DNAAF9: variants seen among roughly 807,000 people sequenced by gnomAD.
DNAAF9 encodes the protein dynein axonemal assembly factor 9, also known as shulin.
In DNAAF9, 90 loss-of-function variants were observed where a neutral mutation model predicts 167.0. The ratio of observed to expected loss-of-function variants is 0.54; its 90% CI spans 0.45 to 0.64. The LOEUF (loss-of-function observed/expected upper bound fraction) is 0.64, where lower values mean the gene tolerates loss of function less well. Among genes scored for constraint, DNAAF9 ranks in the 30% least tolerant of loss-of-function variants. The pLI, the probability that DNAAF9 is intolerant of heterozygous loss-of-function variation, is 0.00. For missense variants in DNAAF9, 1,315 were observed against 1,442.2 expected (o/e 0.91, Z 1.43); for synonymous variants, 491 against 508.8 (o/e 0.96, Z 0.47).
intron 1 of DNAAF9, among the ~76,000 whole-genome samples, chr20:3,387,812 TG>T (rs1016093256): frequency 7.3e-6 from 1 of 136,224 alleles, no homozygotes; most frequent in African/African-American, 2.8e-5. Context: ...GAGGCCAAGG[TG>T]GGGGATCTCT....
intron 30 of DNAAF9, among the ~76,000 whole-genome samples, chr20:3,265,249 G>T (rs370920234): frequency 2.7e-4 from 41 of 152,146 alleles, no homozygotes; most frequent in Non-Finnish European, 4.3e-4. Flanking sequence ...TTTGGTGGGG[G>T]AGGGTCCACG....
chr20:3,289,354 G>A (rs1254673656), intron 26 of DNAAF9, among the ~76,000 whole-genome samples: 1 of 152,182 alleles, frequency 6.6e-6, no homozygotes, highest in Non-Finnish European at 1.5e-5. Flanking sequence ...TCAGGTGGGA[G>A]GATAATTTGA....
intron 31 of DNAAF9, 49 bp downstream of exon 31, chr20:3,264,389 C>A: frequency 1.2e-6 from 1 of 831,712 alleles, no homozygotes; most frequent in Non-Finnish European, 2.1e-6. Context: ...ATAAATAAAT[C>A]ATTGGGTTTA....
At chr20:3,316,615 T>C in intron 18 of DNAAF9, 108 bp downstream of exon 18, 2 of 710,464 alleles carry the variant, frequency 2.8e-6, no homozygotes, top group Admixed American at 2.1e-5. Flanking sequence ...CAACAGCTAG[T>C]TCAGGACCTG....
At chr20:3,285,768 C>T (rs758442039) in intron 27 of DNAAF9, among the ~76,000 whole-genome samples, 9 of 151,118 alleles carry the variant, frequency 6.0e-5, no homozygotes, top group Non-Finnish European at 1.0e-4. Context: ...CACCTGAGGT[C>T]AGGAGTTCGA....
chr20:3,354,797 T>G (rs920252200), intron 7 of DNAAF9, among the ~76,000 whole-genome samples: 1 of 152,224 alleles, frequency 6.6e-6, no homozygotes, highest in African/African-American at 2.4e-5. Context: ...TCAGGATGGA[T>G]GAGAAGTCCA....
chr20:3,405,604 G>A (rs570492060), intron 1 of DNAAF9, among the ~76,000 whole-genome samples: 2 of 152,298 alleles, frequency 1.3e-5, no homozygotes, highest in East Asian at 3.9e-4. Flanking sequence ...CTTGATAGAA[G>A]ATTTGGAGTT....
chr20:3,372,674 A>G (rs2083526175), intron 6 of DNAAF9, among the ~76,000 whole-genome samples: 1 of 152,182 alleles, frequency 6.6e-6, no homozygotes, highest in Non-Finnish European at 1.5e-5. Flanking sequence ...AGTGGTTAGG[A>G]GCACAGGCTC....
At chr20:3,365,867 T>C (rs2083426985) in intron 6 of DNAAF9, among the ~76,000 whole-genome samples, 1 of 152,224 alleles carries the variant, frequency 6.6e-6, no homozygotes, top group Admixed American at 6.5e-5. Flanking sequence ...ACCACTTTCT[T>C]TACTCATCCA....
intron 3 of DNAAF9, among the ~76,000 whole-genome samples, chr20:3,376,595 C>CT (rs2123229408): frequency 6.6e-6 from 1 of 152,270 alleles, no homozygotes; most frequent in East Asian, 1.9e-4. Context: ...TGATTTTAGA[C>CT]TTTTTAGGGA....
At chr20:3,353,756 G>C (rs540375329) in intron 7 of DNAAF9, among the ~76,000 whole-genome samples, 4 of 151,410 alleles carry the variant, frequency 2.6e-5, no homozygotes, top group Non-Finnish European at 4.4e-5. Flanking sequence ...CACCCATTTT[G>C]GTTTGGGTCT....
At chr20:3,400,989 A>G (rs1381499588) in intron 1 of DNAAF9, among the ~76,000 whole-genome samples, 1 of 152,136 alleles carries the variant, frequency 6.6e-6, no homozygotes, top group Non-Finnish European at 1.5e-5. Context: ...GAAGCTTCAC[A>G]TTTTCAGGTA....
At chr20:3,400,438 T>C (rs1568651369) in intron 1 of DNAAF9, among the ~76,000 whole-genome samples, 3 of 148,856 alleles carry the variant, frequency 2.0e-5, no homozygotes, top group Non-Finnish European at 4.5e-5. Context: ...GATCTTAATA[T>C]TAGGGGAAGC....
chr20:3,330,632 A>C lies in DNAAF9; in HGVS notation c.1100+14T>G. On this transcript the variant is annotated intron_variant, in intron 12 of 36. Coordinates refer to ENST00000252032, the MANE Select transcript of DNAAF9 (RefSeq NM_001009984.3). ...TCAACTTTGAGAAAGAAAAAATAAAATATGAAGACTTACATTTGTTCAGTT... is the reference window on the plus strand; with the variant it reads ...TCAACTTTGAGAAAGAAAAAATAAACTATGAAGACTTACATTTGTTCAGTT... 1 of 1,550,810 alleles carries C rather than the reference A, an allele frequency of 6.4e-7. No homozygotes were observed. Among genetic ancestry groups the C allele is most frequent in the East Asian group, 2.2e-5 (1 of 44,526 alleles).
intron 22 of DNAAF9, 36 bp from the exon 23 acceptor site, chr20:3,296,985 A>C: frequency 3.3e-6 from 4 of 1,228,474 alleles, no homozygotes; most frequent in Non-Finnish European, 4.8e-6. Flanking sequence ...GAACACTTTA[A>C]ACCCAACAAC....
chr20:3,371,490 C>T (rs1399962802), intron 6 of DNAAF9, among the ~76,000 whole-genome samples: 4 of 151,710 alleles, frequency 2.6e-5, no homozygotes, highest in Non-Finnish European at 2.9e-5. Flanking sequence ...ACTACAGGCG[C>T]CTGCCACCAC....
intron 10 of DNAAF9, among the ~76,000 whole-genome samples, chr20:3,338,008 ATAT>A (rs1272736118): frequency 6.8e-6 from 1 of 146,940 alleles, no homozygotes; most frequent in Non-Finnish European, 1.5e-5. Flanking sequence ...TATATAATAC[ATAT>A]TATATATTAC....
chr20:3,324,342 C>T (rs149892073), intron 14 of DNAAF9, among the ~76,000 whole-genome samples: 1 of 152,228 alleles, frequency 6.6e-6, no homozygotes, highest in African/African-American at 2.4e-5. Flanking sequence ...CATAATGGTC[C>T]TCACGTGAAA....
intron 21 of DNAAF9, 152 bp downstream of exon 21, chr20:3,304,288 A>AGTG (rs2069248034): frequency 3.0e-6 from 2 of 657,408 alleles, no homozygotes; most frequent in Admixed American, 5.6e-5. Context: ...AGGCCTCTCC[A>AGTG]CGACCTCCCT....
Sources: gnomAD v4.1 joint callset for allele counts (sites outside exome capture counted in the v4.1 genomes callset) on GRCh38, gnomAD v4.1.1 for gene constraint, MANE v1.5 for transcripts, NCBI Gene and HGNC (gene_info 2026-07-23, HGNC 2026-07-21) for gene names.